ZBTB2: variants seen among roughly 807,000 people sequenced by gnomAD.
ZBTB2 encodes the protein zinc finger and BTB domain-containing protein 2.
A neutral mutation model predicts 39.5 loss-of-function variants in ZBTB2; 2 were observed. The ratio of observed to expected loss-of-function variants is 0.05; its 90% CI spans 0.02 to 0.16. ZBTB2 has a LOEUF of 0.16. Among genes scored for constraint, ZBTB2 ranks in the 10% least tolerant of loss-of-function variants. The pLI is 1.00. For synonymous variants in ZBTB2, 251 were observed against 256.6 expected, an observed-to-expected ratio of 0.98 and a Z score of 0.21; for missense variants, 391 against 653.0, an observed-to-expected ratio of 0.60 and a Z score of 4.37.
chr6:151,366,771 T>C lies in ZBTB2; in HGVS notation c.295A>G (p.Ile99Val). 3 of 1,614,166 alleles carry C rather than the reference T, an allele frequency of 1.9e-6. No individual in the cohort carries two copies. The highest frequency in any genetic ancestry group is 2.5e-6 in the Non-Finnish European group (3 of 1,180,036). ...LIDPVRLEQGIKFLHAYPLIQ... is the reference protein window; with the variant it reads ...LIDPVRLEQGVKFLHAYPLIQ... ...AGCGGGTAGGCGTGCAGAAACTTGA[T>C]GCCCTGTTCTAATCGAACCGGGTCG... is the stretch of plus-strand genomic sequence containing the variant. The change falls in exon 3 of 3, where the codon ATC becomes GTC. Residue 99 changes from isoleucine (I) to valine (V), a missense_variant. Around this residue, in one of 7 missense-constraint regions of ZBTB2, gnomAD observed 175 missense variants for 198.6 expected, o/e 0.88. Coordinates refer to ENST00000325144, the MANE Select transcript of ZBTB2 (RefSeq NM_020861.3). This position sits in a 1 kb window ranked among gnomAD's most constrained non-coding sequence, Gnocchi z 7.1.
intron 1 of ZBTB2, among the ~76,000 whole-genome samples, chr6:151,382,821 C>T (rs1455579295): frequency 2.6e-5 from 4 of 152,036 alleles, no homozygotes; most frequent in African/African-American, 7.3e-5. Context: ...TCCCAAAGTG[C>T]TGGGACTATG....
At chr6:151,388,890 G>GC (rs1779222644) in intron 1 of ZBTB2, among the ~76,000 whole-genome samples, 1 of 152,166 alleles carries the variant, frequency 6.6e-6, no homozygotes, top group Non-Finnish European at 1.5e-5. Context: ...TTTAAAACTG[G>GC]CAAGTATGCA....
chr6:151,382,553 T>G (rs1467684002), intron 1 of ZBTB2, among the ~76,000 whole-genome samples: 2 of 112,558 alleles, frequency 1.8e-5, no homozygotes, highest in Non-Finnish European at 3.7e-5. Flanking sequence ...CTGCGCCTGG[T>G]CTTTTTTTTT....
intron 2 of ZBTB2, among the ~76,000 whole-genome samples, chr6:151,372,362 G>A (rs1778805597): frequency 1.3e-5 from 2 of 152,106 alleles, no homozygotes; most frequent in Non-Finnish European, 2.9e-5. Flanking sequence ...GAAGAGTGTG[G>A]GATGAGGAGA....
At chr6:151,390,510 C>T (rs1779267148) in intron 1 of ZBTB2, among the ~76,000 whole-genome samples, 1 of 150,402 alleles carries the variant, frequency 6.6e-6, no homozygotes, top group Non-Finnish European at 1.5e-5. Context: ...GTGCGCAACG[C>T]CCCGGCCGGC....
chr6:151,379,178 G>A (rs1444034646), intron 1 of ZBTB2, among the ~76,000 whole-genome samples: 3 of 152,092 alleles, frequency 2.0e-5, no homozygotes, highest in Non-Finnish European at 4.4e-5. Flanking sequence ...TCTTTTCTCC[G>A]TACTCTAGTT....
rs549434647 is a variant in ZBTB2, at chr6:151,387,977, T to C, written c.-13+3443A>G. On this transcript the variant is annotated intron_variant, in intron 1 of 2. Transcript: ENST00000325144. ...TCGAAGTAATATTTTAATTATTTAA[T>C]AGTTTAATTTGCTAGCACAAATTAT... Among the ~76,000 whole-genome samples, 4 of 152,352 alleles carry C rather than the reference T, an allele frequency of 2.6e-5. 1 individual carries two copies. In the South Asian group the frequency reaches 8.3e-4, roughly 32 times the overall value.
At position 151,365,578 on chromosome 6, in the gene ZBTB2, A is replaced by G; in HGVS notation, c.1488T>C (p.Pro496=). The G allele has an allele frequency of 6.2e-7, 1 of 1,614,212 alleles. No individual in the cohort carries two copies. The highest frequency in any genetic ancestry group is 8.5e-7 in the Non-Finnish European group (1 of 1,180,032). ...LGSGDSEVTE[P]DHPVLASIKK... The stretch of plus-strand genomic sequence containing the variant: ...TGATGGAAGCTAACACTGGGTGGTC[A>G]GGCTCCGTTACTTCCGAGTCCCCAC... Residue 496 remains proline (P), a synonymous_variant, in exon 3 of 3, where the codon CCT becomes CCC. Coordinates refer to ENST00000325144, the MANE Select transcript of ZBTB2 (RefSeq NM_020861.3). This position sits in a 1 kb window ranked among gnomAD's most constrained non-coding sequence, Gnocchi z 5.6.
chr6:151,373,448 G>A lies in ZBTB2; in HGVS notation c.173+17C>T, dbSNP rs1192665862. ...GAAGTCTACAGTCATTAGGTTATTA[G>A]CAACCACTTTAGTTACCTGGTCTGA... On this transcript the variant is annotated intron_variant, in intron 2 of 2. Transcript: ENST00000325144. 7 of 1,613,906 alleles carry A rather than the reference G, an allele frequency of 4.3e-6. No individual in the cohort carries two copies. Among genetic ancestry groups the A allele is most frequent in the Non-Finnish European group, 5.9e-6 (7 of 1,179,868 alleles).
At chr6:151,376,805 A>G (rs776728959) in intron 1 of ZBTB2, among the ~76,000 whole-genome samples, 1 of 152,192 alleles carries the variant, frequency 6.6e-6, no homozygotes, top group Non-Finnish European at 1.5e-5. Flanking sequence ...AAAACTAAAA[A>G]TGCAACTACC....
At chr6:151,385,348 G>A (rs1474297628) in intron 1 of ZBTB2, among the ~76,000 whole-genome samples, 1 of 152,182 alleles carries the variant, frequency 6.6e-6, no homozygotes, top group Non-Finnish European at 1.5e-5. Flanking sequence ...TTGATAACAG[G>A]ACATTGACCA....
At chr6:151,373,059 G>T (rs1778819383) in intron 2 of ZBTB2, among the ~76,000 whole-genome samples, 1 of 145,486 alleles carries the variant, frequency 6.9e-6, no homozygotes, top group Non-Finnish European at 1.5e-5. Flanking sequence ...GGAGGCTGAA[G>T]CAGGAGAATG....
At position 151,380,785 on chromosome 6, in the gene ZBTB2, C is replaced by T. The variant is rs913588151; in HGVS notation, c.-12-7136G>A. Among the ~76,000 whole-genome samples, 27 of 152,328 alleles carry T rather than the reference C, an allele frequency of 1.8e-4. 1 individual carries two copies. Among genetic ancestry groups the T allele is most frequent in the Admixed American group, 5.9e-4 (9 of 15,304 alleles). On this transcript the variant is annotated intron_variant, in intron 1 of 2. Transcript: ENST00000325144. The stretch of plus-strand genomic sequence containing the variant: ...GGGTTCCACTTGCTGGTCTCCTCTG[C>T]GCCTGGTCCCCAGCCTACTCCTCAT...
Position 151,365,332 on chromosome 6 carries a change from C to T in ZBTB2, c.*189G>A, listed in dbSNP as rs1042377079. 5.7e-5 allele frequency: 35 copies of T among 615,424 alleles called. No individual in the cohort carries two copies. Among genetic ancestry groups the T allele is most frequent in the South Asian group, 5.3e-4 (23 of 43,320 alleles). The allele number at this position is 615,424 out of a possible 1,614,324, so 38.1% of individuals were successfully genotyped here. The stretch of plus-strand genomic sequence containing the variant: ...TTTCCAATATCCCCTGAAAGAAAGT[C>T]GATACATTCCAGGTTTATAATGCAC... On this transcript the variant is annotated 3_prime_UTR_variant, in exon 3 of 3. Coordinates refer to ENST00000325144, the MANE Select transcript of ZBTB2 (RefSeq NM_020861.3). This position sits in a 1 kb window ranked among gnomAD's most constrained non-coding sequence, Gnocchi z 5.6.
intron 1 of ZBTB2, among the ~76,000 whole-genome samples, chr6:151,391,180 C>T (rs891689732): frequency 2.0e-5 from 3 of 151,774 alleles, no homozygotes; most frequent in Non-Finnish European, 4.4e-5. Flanking sequence ...GCCGCCGCCG[C>T]CCCCGCGAGG....
chr6:151,367,810 T>C (rs1778683171), intron 2 of ZBTB2, among the ~76,000 whole-genome samples: 1 of 152,246 alleles, frequency 6.6e-6, no homozygotes, highest in Admixed American at 6.5e-5. Flanking sequence ...GAAGATGCTA[T>C]TAATTTTATA....
rs776572408 is a variant in ZBTB2 at position 151,365,716 on chromosome 6, G to A, written c.1350C>T (p.Cys450=). Residue 450 remains cysteine (C), a synonymous_variant, in exon 3 of 3, where the codon TGC becomes TGT. Coordinates refer to ENST00000325144, the MANE Select transcript of ZBTB2 (RefSeq NM_020861.3). This position sits in a 1 kb window ranked among gnomAD's most constrained non-coding sequence, Gnocchi z 5.6. ...TGGAGAATGTTTTGTCACACAAGTT[G>A]CATTTGTAGGGTTTGTTTGTTTGCA... ...MLVQTNKPYK[C]NLCDKTFSTP... is the part of the protein sequence containing the mutation. The A allele has an allele frequency of 6.2e-7, 1 of 1,614,182 alleles. No individual in the cohort carries two copies. The highest frequency in any genetic ancestry group is 8.5e-7 in the Non-Finnish European group (1 of 1,180,040).
chr6:151,387,815 A>G (rs1247105677), intron 1 of ZBTB2, among the ~76,000 whole-genome samples: 1 of 152,190 alleles, frequency 6.6e-6, no homozygotes, highest in Non-Finnish European at 1.5e-5. Flanking sequence ...CATAAATATG[A>G]GCCTCCAAGT....
chr6:151,383,368 G>C (rs1464877515), intron 1 of ZBTB2, among the ~76,000 whole-genome samples: 3 of 152,268 alleles, frequency 2.0e-5, no homozygotes, highest in African/African-American at 7.2e-5. Context: ...GCAATTGTCA[G>C]TTTGGTGAGC....
Sources: allele counts gnomAD v4.1 joint callset (sites outside exome capture counted in the v4.1 genomes callset), GRCh38; gene constraint gnomAD v4.1.1; regional missense constraint gnomAD v4.1.1; non-coding constraint Gnocchi (gnomAD v3.1); transcripts MANE v1.5; gene names NCBI Gene and HGNC (gene_info 2026-07-23, HGNC 2026-07-21).